LRMDA: variants seen among roughly 807,000 people sequenced by gnomAD.
LRMDA encodes leucine rich melanocyte differentiation associated, also known as leucine-rich melanocyte differentiation-associated protein.
A neutral mutation model predicts 29.8 loss-of-function variants in LRMDA; 18 were observed. The observed-to-expected ratio is 0.60, with a 90% CI of 0.42 to 0.90. The LOEUF is 0.90. LRMDA is among the 40% of genes least tolerant of loss of function. The pLI is 0.00. For missense variants in LRMDA, 273 were observed against 273.9 expected (o/e 1.00, Z 0.02); for synonymous variants, 125 against 109.4 (o/e 1.14, Z -0.89).
chr10:76,151,028 C>A (rs568111881), intron 5 of LRMDA, among the ~76,000 whole-genome samples: 1 of 152,216 alleles, frequency 6.6e-6, no homozygotes, highest in African/African-American at 2.4e-5. Flanking sequence ...AGAATCCAAG[C>A]GCCCTGTATG....
At chr10:75,437,854 C>T (rs888242633) in intron 1 of LRMDA, among the ~76,000 whole-genome samples, 1 of 152,128 alleles carries the variant, frequency 6.6e-6, no homozygotes, top group African/African-American at 2.4e-5. Context: ...GTGTGGAGGG[C>T]ATTTTGTACA....
chr10:75,975,288 G>T (rs527879245), intron 2 of LRMDA, among the ~76,000 whole-genome samples: 1 of 152,180 alleles, frequency 6.6e-6, no homozygotes, highest in South Asian at 2.1e-4. Context: ...TACACTGATG[G>T]TTGTTTCCCA....
At chr10:76,354,718 C>T (rs750757169) in intron 6 of LRMDA, among the ~76,000 whole-genome samples, 19 of 152,044 alleles carry the variant, frequency 1.2e-4, no homozygotes, top group South Asian at 2.1e-4. Context: ...CATATCTATG[C>T]GGTGCATGTG....
intron 5 of LRMDA, among the ~76,000 whole-genome samples, chr10:76,264,171 G>A (rs545480275): frequency 7.2e-5 from 11 of 151,964 alleles, no homozygotes; most frequent in Admixed American, 4.6e-4. Flanking sequence ...GGCCGAGACC[G>A]GCAGATCACT....
intron 2 of LRMDA, among the ~76,000 whole-genome samples, chr10:75,439,418 C>T (rs1001182149): frequency 6.6e-6 from 1 of 152,164 alleles, no homozygotes; most frequent in African/African-American, 2.4e-5. Context: ...TGCTTCTAGG[C>T]CTTGGAGTCT....
chr10:75,477,261 T>A (rs1402831385), intron 2 of LRMDA, among the ~76,000 whole-genome samples: 1 of 152,160 alleles, frequency 6.6e-6, no homozygotes, highest in East Asian at 1.9e-4. Context: ...CTCTTCTTCT[T>A]GTGAAGACAC....
chr10:76,529,585 A>G (rs1843212896), intron 6 of LRMDA, among the ~76,000 whole-genome samples: 2 of 152,222 alleles, frequency 1.3e-5, no homozygotes, highest in South Asian at 4.2e-4. Flanking sequence ...CAGAAATTAG[A>G]TTCTGCTGCA....
At chr10:76,152,659 G>T (rs957790230) in intron 5 of LRMDA, among the ~76,000 whole-genome samples, 4 of 152,036 alleles carry the variant, frequency 2.6e-5, no homozygotes, top group Non-Finnish European at 5.9e-5. Context: ...ATACATGAGA[G>T]TTTCAATTTC....
intron 2 of LRMDA, among the ~76,000 whole-genome samples, chr10:75,855,181 C>T (rs1316889193): frequency 6.6e-6 from 1 of 152,154 alleles, no homozygotes; most frequent in Admixed American, 6.5e-5. Context: ...TACAGTCCCA[C>T]CAACAGTGTA....
rs1459442138 is a variant in LRMDA at position 76,363,176 on chromosome 10, A to AGAAAGAGGGAGGGAG, written c.601+38692_601+38693insAAAGAGGGAGGGAGG. Among the ~76,000 whole-genome samples the AGAAAGAGGGAGGGAG allele has an allele frequency of 7.2e-3, 156 of 21,794 alleles. 14 individuals are homozygous for AGAAAGAGGGAGGGAG. Among genetic ancestry groups the AGAAAGAGGGAGGGAG allele is most frequent in the African/African-American group, 0.017 (118 of 6,898 alleles). The allele number at this position is 21,794 out of a possible 152,430, so 14.3% of individuals were successfully genotyped here. ...AAGAAAGAAAGAAAGAAAGAAAGAA[A>AGAAAGAGGGAGGGAG]GGAGGGAGGGAGGGAGGGAGGGAGG... On this transcript the variant is annotated intron_variant, in intron 6 of 6. Transcript: ENST00000611255.
chr10:75,762,818 A>G (rs969294868), intron 2 of LRMDA, among the ~76,000 whole-genome samples: 8 of 152,184 alleles, frequency 5.3e-5, no homozygotes, highest in Admixed American at 4.6e-4. Context: ...GTGGTCTCAT[A>G]TATATATGAG....
At chr10:75,508,238 G>A (rs891963388) in intron 2 of LRMDA, among the ~76,000 whole-genome samples, 1 of 147,086 alleles carries the variant, frequency 6.8e-6, no homozygotes, top group Non-Finnish European at 1.5e-5. Context: ...TTGGTTGCAA[G>A]AAGAGGCAAA....
intron 6 of LRMDA, among the ~76,000 whole-genome samples, chr10:76,418,964 A>G (rs1842046560): frequency 6.6e-6 from 1 of 152,174 alleles, no homozygotes; most frequent in African/African-American, 2.4e-5. Context: ...GCAAATTTGG[A>G]CAGAAAATAG....
At chr10:75,818,377 A>T (rs1290326207) in intron 2 of LRMDA, among the ~76,000 whole-genome samples, 2 of 152,020 alleles carry the variant, frequency 1.3e-5, no homozygotes, top group Non-Finnish European at 2.9e-5. Context: ...TACACTGGGA[A>T]CTCTGCAGTA....
In LRMDA at chr10:76,405,738, G is replaced by A. The variant is rs576345265; in HGVS notation, c.601+81253G>A. Among the ~76,000 whole-genome samples the A allele has an allele frequency of 2.0e-5, 3 of 152,306 alleles. No individual in the cohort carries two copies. The East Asian group carries it at 5.8e-4, about 29-fold the overall frequency. On this transcript the variant is annotated intron_variant, in intron 6 of 6. Coordinates refer to ENST00000611255, the MANE Select transcript of LRMDA (RefSeq NM_001305581.2). ...GCCTTTTGCTAGTTATTCATTCATA[G>A]AGTTCTTCCTGTTTTAATTCTGGAG...
At chr10:76,290,911 A>G (rs1367799169) in intron 5 of LRMDA, among the ~76,000 whole-genome samples, 1 of 152,190 alleles carries the variant, frequency 6.6e-6, no homozygotes, top group Admixed American at 6.5e-5. Context: ...AGAGTCATGA[A>G]CTACTTTGCT....
chr10:75,937,288 T>G (rs1365066508), intron 2 of LRMDA, among the ~76,000 whole-genome samples: 1 of 152,238 alleles, frequency 6.6e-6, no homozygotes, highest in Non-Finnish European at 1.5e-5. Flanking sequence ...AAAAATGATT[T>G]TATTTTAAGC....
chr10:76,444,071 T>C (rs747510508), intron 6 of LRMDA, among the ~76,000 whole-genome samples: 53 of 152,266 alleles, frequency 3.5e-4, no homozygotes, highest in Admixed American at 1.1e-3. Flanking sequence ...AGGCCTCTGC[T>C]TCCCATTCCA....
At chr10:75,600,618 T>G (rs530396805) in intron 2 of LRMDA, among the ~76,000 whole-genome samples, 28 of 152,232 alleles carry the variant, frequency 1.8e-4, no homozygotes, top group Admixed American at 1.2e-3. Flanking sequence ...GGGCTAAAGT[T>G]CCCAGATTTG....
Sources: gnomAD v4.1 joint callset for allele counts (sites outside exome capture counted in the v4.1 genomes callset) on GRCh38, gnomAD v4.1.1 for gene constraint, MANE v1.5 for transcripts, NCBI Gene and HGNC (gene_info 2026-07-23, HGNC 2026-07-21) for gene names.